Variants in ABTB3 observed in about 807,000 individuals in gnomAD.
ABTB3 encodes the protein ankyrin repeat and BTB domain containing 3.
the ABTB3 span, among the ~76,000 whole-genome samples, chr12:107,336,814 C>T: frequency 2.6e-5 from 4 of 152,162 alleles, no homozygotes; most frequent in African/African-American, 9.7e-5. Context: ...ATTACTATCC[C>T]GGCAACACCT....
the ABTB3 span, among the ~76,000 whole-genome samples, chr12:107,364,280 CT>C: frequency 6.6e-6 from 1 of 151,376 alleles, no homozygotes; most frequent in Non-Finnish European, 1.5e-5. Flanking sequence ...AAATACTTTT[CT>C]TTTTTCTTTT....
At chr12:107,651,607 G>T in the ABTB3 span, 101 of 1,098,802 alleles carry the variant, frequency 9.2e-5, no homozygotes, top group East Asian at 2.1e-3. Flanking sequence ...CACCACTATA[G>T]TTCCTTATTG....
chr12:107,336,538 G>A, the ABTB3 span, among the ~76,000 whole-genome samples: 2,315 of 152,280 alleles, frequency 0.015, 31 homozygotes, highest in Non-Finnish European at 0.024. Context: ...ATGACGTGAC[G>A]TCTATAAGCA....
the ABTB3 span, among the ~76,000 whole-genome samples, chr12:107,351,980 T>G: frequency 6.6e-6 from 1 of 152,188 alleles, no homozygotes; most frequent in African/African-American, 2.4e-5. Flanking sequence ...TGCCATTCTG[T>G]TTCATTCACT....
the ABTB3 span, among the ~76,000 whole-genome samples, chr12:107,592,534 A>G: frequency 6.6e-6 from 1 of 152,378 alleles, no homozygotes; most frequent in East Asian, 1.9e-4. Context: ...TGTTCATTCG[A>G]TGGAAAACCA....
the ABTB3 span, among the ~76,000 whole-genome samples, chr12:107,478,259 A>T: frequency 1.3e-5 from 2 of 152,332 alleles, no homozygotes; most frequent in East Asian, 3.9e-4. Context: ...CAGTTATGTC[A>T]TACATGTCTT....
the ABTB3 span, among the ~76,000 whole-genome samples, chr12:107,523,168 C>G: frequency 6.6e-6 from 1 of 152,184 alleles, no homozygotes; most frequent in Non-Finnish European, 1.5e-5. Context: ...GAGGAGTTCC[C>G]TGTACACCCA....
At chr12:107,531,871 T>C in the ABTB3 span, among the ~76,000 whole-genome samples, 13 of 152,082 alleles carry the variant, frequency 8.5e-5, no homozygotes, top group African/African-American at 1.2e-4. Flanking sequence ...ATCTCCCACA[T>C]CCACTCAGAA....
chr12:107,615,604 G>A, the ABTB3 span, among the ~76,000 whole-genome samples: 1 of 152,214 alleles, frequency 6.6e-6, no homozygotes, highest in Non-Finnish European at 1.5e-5. Flanking sequence ...TCAAGGGAGT[G>A]TTTCCAAAAG....
the ABTB3 span, among the ~76,000 whole-genome samples, chr12:107,499,084 C>G: frequency 6.6e-6 from 1 of 152,096 alleles, no homozygotes; most frequent in African/African-American, 2.4e-5. Context: ...CCATTGCCCT[C>G]TCATGCCCAG....
At chr12:107,431,052 T>C in the ABTB3 span, among the ~76,000 whole-genome samples, 1 of 152,216 alleles carries the variant, frequency 6.6e-6, no homozygotes, top group African/African-American at 2.4e-5. Flanking sequence ...AACAGGCACA[T>C]GTTTGTGCTT....
the ABTB3 span, among the ~76,000 whole-genome samples, chr12:107,561,328 C>T: frequency 6.6e-6 from 1 of 152,118 alleles, no homozygotes; most frequent in African/African-American, 2.4e-5. Context: ...CTCTAAAATC[C>T]TTTCTGGAAG....
chr12:107,342,256 G>T, the ABTB3 span, among the ~76,000 whole-genome samples: 7 of 151,940 alleles, frequency 4.6e-5, no homozygotes, highest in South Asian at 2.1e-4. Context: ...CATTTTTTTG[G>T]GGGGAGGGGG....
chr12:107,433,689 G>A, the ABTB3 span, among the ~76,000 whole-genome samples: 301 of 152,312 alleles, frequency 2.0e-3, 1 homozygote, highest in African/African-American at 7.0e-3. Context: ...GAATTATGTG[G>A]GAGGTGATGG....
At chr12:107,581,287 C>T in the ABTB3 span, 6 of 1,439,078 alleles carry the variant, frequency 4.2e-6, no homozygotes, top group East Asian at 8.6e-5. Flanking sequence ...GCGTGGACTG[C>T]GAGCCGCGCC....
At chr12:107,330,316 G>A in the ABTB3 span, among the ~76,000 whole-genome samples, 1 of 152,176 alleles carries the variant, frequency 6.6e-6, no homozygotes, top group Non-Finnish European at 1.5e-5. Flanking sequence ...AGATCATGTT[G>A]GCATTAGTTC....
chr12:107,318,841 C>A, the ABTB3 span: 2 of 1,356,774 alleles, frequency 1.5e-6, no homozygotes, highest in Non-Finnish European at 9.9e-7. Context: ...TGAGCCAAGG[C>A]GGCGCGGACT....
At chr12:107,369,874 G>A in the ABTB3 span, among the ~76,000 whole-genome samples, 1 of 152,006 alleles carries the variant, frequency 6.6e-6, no homozygotes, top group Non-Finnish European at 1.5e-5. Context: ...GGGAGGTGGT[G>A]AGGCATAATG....
At chr12:107,385,237 G>A in the ABTB3 span, among the ~76,000 whole-genome samples, 1 of 152,338 alleles carries the variant, frequency 6.6e-6, no homozygotes, top group East Asian at 1.9e-4. Flanking sequence ...AACAGGCTCT[G>A]TCCTCATGGA....
Sources: allele counts gnomAD v4.1 joint callset (sites outside exome capture counted in the v4.1 genomes callset), GRCh38; gene constraint gnomAD v4.1.1; transcripts MANE v1.5; gene names NCBI Gene and HGNC (gene_info 2026-07-23, HGNC 2026-07-21).